The following ASCC3 variants were observed in gnomAD, a reference collection of about 807,000 sequenced individuals.
ASCC3 encodes activating signal cointegrator 1 complex subunit 3.
Under a neutral mutation model 256.3 loss-of-function variants are expected in ASCC3, and 158 were observed. That is an observed-to-expected ratio of 0.62 (90% CI 0.54 to 0.70). The LOEUF (loss-of-function observed/expected upper bound fraction) is 0.70, where lower values mean the gene tolerates loss of function less well. Ranked by LOEUF, ASCC3 falls within the 30% of genes least tolerant of loss-of-function variation. ASCC3 has a pLI of 0.00. For synonymous variants in ASCC3, 948 were observed against 883.4 expected (o/e 1.07, Z -1.30); for missense variants, 2,259 against 2,626.0 (o/e 0.86, Z 3.05).
At chr6:100,810,217 G>A (rs993086722) in intron 4 of ASCC3, among the ~76,000 whole-genome samples, 6 of 152,064 alleles carry the variant, frequency 3.9e-5, no homozygotes, top group Admixed American at 3.3e-4. Context: ...ATGTCCATGT[G>A]TCTCTACATG....
intron 3 of ASCC3, chr6:100,859,096 T>C (rs1450108022): frequency 1.3e-6 from 1 of 779,564 alleles, no homozygotes. Flanking sequence ...TTGTCCATTT[T>C]AGTCATTTTT....
chr6:100,588,759 G>A (rs1056813942), intron 36 of ASCC3, among the ~76,000 whole-genome samples: 15 of 152,078 alleles, frequency 9.9e-5, no homozygotes, highest in African/African-American at 3.1e-4. Flanking sequence ...TTGAAAAACT[G>A]TGAATGGGAT....
chr6:100,612,527 A>G (rs1171431264), intron 30 of ASCC3, among the ~76,000 whole-genome samples: 1 of 152,080 alleles, frequency 6.6e-6, no homozygotes, highest in African/African-American at 2.4e-5. Context: ...ATGCTCAATA[A>G]AAGATGTACC....
At chr6:100,852,071 GA>G (rs968708114) in intron 3 of ASCC3, among the ~76,000 whole-genome samples, 2 of 152,166 alleles carry the variant, frequency 1.3e-5, no homozygotes, top group African/African-American at 2.4e-5. Context: ...GATCAGATTG[GA>G]GCAGACGAAG....
At chr6:100,881,010 C>T (rs901177515) in intron 1 of ASCC3, 51 bp downstream of exon 1, 1 of 152,436 alleles carries the variant, frequency 6.6e-6, no homozygotes, top group Non-Finnish European at 1.5e-5. Context: ...GCCAGCTCCC[C>T]TGGCCGCGGC....
At chr6:100,530,083 A>T (rs1246910209) in intron 37 of ASCC3, among the ~76,000 whole-genome samples, 1 of 152,032 alleles carries the variant, frequency 6.6e-6, no homozygotes, top group Non-Finnish European at 1.5e-5. Flanking sequence ...CATTAATTCC[A>T]ATTTAAATTT....
chr6:100,550,050 T>C (rs1032213629), intron 36 of ASCC3, among the ~76,000 whole-genome samples: 1 of 151,884 alleles, frequency 6.6e-6, no homozygotes, highest in South Asian at 2.1e-4. Flanking sequence ...GTTGGGAACA[T>C]CCATGAGCAG....
chr6:100,802,623 T>C (rs1004445953), intron 5 of ASCC3, among the ~76,000 whole-genome samples: 8 of 152,112 alleles, frequency 5.3e-5, no homozygotes, highest in African/African-American at 1.9e-4. Flanking sequence ...ATAATAAACA[T>C]AAACAAAACT....
intron 10 of ASCC3, among the ~76,000 whole-genome samples, chr6:100,726,118 C>T (rs574185512): frequency 6.6e-6 from 1 of 151,868 alleles, no homozygotes; most frequent in South Asian, 2.1e-4. Context: ...CAACAATTCA[C>T]TCTACCGATA....
At chr6:100,573,424 A>G (rs759916507) in intron 36 of ASCC3, among the ~76,000 whole-genome samples, 3 of 152,132 alleles carry the variant, frequency 2.0e-5, no homozygotes, top group Non-Finnish European at 4.4e-5. Context: ...TAGAGTACTT[A>G]AACTTTATTG....
intron 40 of ASCC3, 148 bp downstream of exon 40, chr6:100,512,561 T>G: frequency 1.2e-6 from 1 of 837,330 alleles, no homozygotes. Flanking sequence ...CTCACGAATT[T>G]CAAAAGACTA....
rs763748649 is a variant in ASCC3 at position 100,655,755 on chromosome 6, AAAGAT to A, written c.2762_2766del (p.Tyr921LeufsTer21). On this transcript the variant is annotated frameshift_variant, in exon 17 of 42. Coordinates refer to ENST00000369162, the MANE Select transcript of ASCC3 (RefSeq NM_006828.4). LOFTEE classifies it high-confidence loss of function. The stretch of plus-strand genomic sequence containing the variant: ...AATGGATTTGCTCTCATCCGTACAT[AAAGAT>A]AAGTGTAACTTATCCACTTCACTGC... 3 of 1,611,660 alleles carry A rather than the reference AAAGAT, an allele frequency of 1.9e-6. No homozygotes were observed. Among genetic ancestry groups the A allele is most frequent in the East Asian group, 2.2e-5 (1 of 44,772 alleles).
chr6:100,588,283 A>G (rs79115646), intron 36 of ASCC3, among the ~76,000 whole-genome samples: 2,439 of 152,288 alleles, frequency 0.016, 55 homozygotes, highest in African/African-American at 0.056. Flanking sequence ...ACATGTTTCC[A>G]AGGCAGAAAA....
intron 41 of ASCC3, 49 bp downstream of exon 41, chr6:100,509,883 G>A (rs767573576): frequency 1.9e-5 from 28 of 1,474,514 alleles, no homozygotes; most frequent in South Asian, 1.3e-4. Flanking sequence ...GCGAGACTCC[G>A]CCTCAAAAAA....
intron 37 of ASCC3, among the ~76,000 whole-genome samples, chr6:100,520,891 C>T (rs562500445): frequency 2.6e-5 from 4 of 152,270 alleles, no homozygotes; most frequent in Non-Finnish European, 4.4e-5. Context: ...AGTATTTTTC[C>T]TGTGCCTCTG....
intron 1 of ASCC3, among the ~76,000 whole-genome samples, chr6:100,875,584 C>G (rs1007563464): frequency 2.1e-4 from 32 of 152,264 alleles, no homozygotes; most frequent in Admixed American, 1.8e-3. Context: ...ATTTCAAAAG[C>G]TGCATGAATG....
Position 100,651,602 on chromosome 6 carries a change from G to A in ASCC3, c.3033C>T (p.Ile1011=). The change falls in exon 19 of 42, where the codon ATC becomes ATT. Residue 1011 remains isoleucine (I), a synonymous_variant. Transcript: ENST00000369162. ...CTTCAGCTTTGGAGACTATGGCAAAGATATCACCTTCTGTTTTGTGAGCAT... is the reference window on the plus strand; with the variant it reads ...CTTCAGCTTTGGAGACTATGGCAAAAATATCACCTTCTGTTTTGTGAGCAT... ...LFDAHKTEGD[I]FAIVSKAEEF... 1 of 1,586,648 alleles carries A rather than the reference G, an allele frequency of 6.3e-7. No homozygotes were observed. Among genetic ancestry groups the A allele is most frequent in the Non-Finnish European group, 8.6e-7 (1 of 1,163,924 alleles).
Position 100,725,629 on chromosome 6 carries a change from A to C in ASCC3, c.1812T>G (p.Ile604Met), listed in dbSNP as rs1317068198. 3 of 1,612,668 alleles carry C rather than the reference A, an allele frequency of 1.9e-6. No individual in the cohort carries two copies. Among genetic ancestry groups the C allele is most frequent in the Non-Finnish European group, 2.5e-6 (3 of 1,179,182 alleles). Reference protein sequence around the residue: ...KSVGDVALSQIVRLLILDEVH... With the variant: ...KSVGDVALSQMVRLLILDEVH... ...CTTCATCAAGAATAAGGAGCCTTACAATCTGGGAAAGAGCTACATCCCCAA... is the reference window on the plus strand; with the variant it reads ...CTTCATCAAGAATAAGGAGCCTTACCATCTGGGAAAGAGCTACATCCCCAA... The change falls in exon 11 of 42, where the codon ATT becomes ATG. Residue 604 changes from isoleucine to methionine, a missense_variant. Physicochemically the swap from Ile to Met is conservative, Grantham distance 10. This residue lies in a region of ASCC3 where 1,839 missense variants were observed against 2,206.7 expected (regional missense o/e 0.83). Coordinates refer to ENST00000369162, the MANE Select transcript of ASCC3 (RefSeq NM_006828.4).
At chr6:100,515,235 T>C (rs181211883) in intron 39 of ASCC3, among the ~76,000 whole-genome samples, 2 of 152,312 alleles carry the variant, frequency 1.3e-5, no homozygotes, top group East Asian at 1.9e-4. Context: ...ATTCATAATT[T>C]TGATGGTAAT....
Sources: allele counts gnomAD v4.1 joint callset (sites outside exome capture counted in the v4.1 genomes callset), GRCh38; gene constraint gnomAD v4.1.1; regional missense constraint gnomAD v4.1.1; transcripts MANE v1.5; gene names NCBI Gene and HGNC (gene_info 2026-07-23, HGNC 2026-07-21).